Variants in DACH1 observed in about 807,000 individuals in gnomAD.
DACH1 encodes the protein dachshund family transcription factor 1.
In DACH1, 12 loss-of-function variants were observed where a neutral mutation model predicts 54.2. That is an observed-to-expected ratio of 0.22 (90% CI 0.14 to 0.36). DACH1 has a LOEUF of 0.36. Among genes scored for constraint, DACH1 ranks in the 10% least tolerant of loss-of-function variants. The probability of loss-of-function intolerance (pLI) is 1.00; values close to 1 mark genes in which losing one functional copy is unlikely to be tolerated. For synonymous variants in DACH1, 386 were observed against 366.2 expected (o/e 1.05, Z -0.62); for missense variants, 805 against 929.8 (o/e 0.87, Z 1.75).
At chr13:71,520,652 C>T (rs1881531690) in intron 6 of DACH1, among the ~76,000 whole-genome samples, 1 of 150,882 alleles carries the variant, frequency 6.6e-6, no homozygotes, top group Non-Finnish European at 1.5e-5. Flanking sequence ...CAATTATAGA[C>T]AATTACATAT....
chr13:71,563,654 T>C (rs1884731413), intron 4 of DACH1, among the ~76,000 whole-genome samples: 1 of 151,858 alleles, frequency 6.6e-6, no homozygotes, highest in African/African-American at 2.4e-5. Flanking sequence ...AGGCATATTA[T>C]ACTAAGTAAA....
intron 1 of DACH1, among the ~76,000 whole-genome samples, chr13:71,735,548 T>C (rs146045091): frequency 0.013 from 313 of 24,752 alleles, 44 homozygotes; most frequent in Non-Finnish European, 0.072. Context: ...GGGATATACG[T>C]GTATATGGGA....
chr13:71,848,629 C>A (rs768118179), intron 1 of DACH1, among the ~76,000 whole-genome samples: 2 of 151,856 alleles, frequency 1.3e-5, no homozygotes, highest in Non-Finnish European at 2.9e-5. Flanking sequence ...TGCAGAGCCT[C>A]GACCTCCAAG....
chr13:71,625,039 A>G (rs1206259910), intron 3 of DACH1, among the ~76,000 whole-genome samples: 2 of 151,940 alleles, frequency 1.3e-5, no homozygotes, highest in Non-Finnish European at 2.9e-5. Flanking sequence ...TACTATACAA[A>G]GACACCTGTC....
At position 71,866,983 on chromosome 13, in the gene DACH1, TG is replaced by T; in HGVS notation, c.-215del. The T allele has an allele frequency of 3.6e-6, 1 of 280,110 alleles. No homozygotes were observed. Among genetic ancestry groups the T allele is most frequent in the Non-Finnish European group, 6.3e-6 (1 of 158,862 alleles). The allele number at this position is 280,110 out of a possible 1,614,324, so 17.4% of individuals were successfully genotyped here. A position where few individuals can be genotyped will look rare whatever the true frequency, so the allele number is the denominator to read the frequency against. ...AGAGGGGCGAGCACGAGAGGCGCTC[TG>T]GAGAGGAACGCACAAAAGTGTCCCG... On this transcript the variant is annotated 5_prime_UTR_variant, in exon 1 of 11. Coordinates refer to ENST00000613252, the MANE Select transcript of DACH1 (RefSeq NM_080759.6).
intron 2 of DACH1, among the ~76,000 whole-genome samples, chr13:71,648,787 G>T (rs1034205494): frequency 4.6e-5 from 7 of 152,072 alleles, no homozygotes; most frequent in African/African-American, 1.7e-4. Context: ...TAAAAGGTAT[G>T]GTATAGAGGT....
intron 2 of DACH1, among the ~76,000 whole-genome samples, chr13:71,632,538 C>T (rs1279287592): frequency 6.6e-6 from 1 of 151,754 alleles, no homozygotes; most frequent in Non-Finnish European, 1.5e-5. Context: ...GCCTGAGCAC[C>T]GCTCTCCTCC....
chr13:71,687,831 A>G (rs1225821724), intron 1 of DACH1, among the ~76,000 whole-genome samples: 1 of 152,146 alleles, frequency 6.6e-6, no homozygotes, highest in Non-Finnish European at 1.5e-5. Flanking sequence ...CTGGTCTCGA[A>G]TTCCTGGGCT....
intron 6 of DACH1, among the ~76,000 whole-genome samples, chr13:71,524,857 C>T (rs998843891): frequency 6.6e-6 from 1 of 151,928 alleles, no homozygotes; most frequent in South Asian, 2.1e-4. Flanking sequence ...GGAACAGGCG[C>T]GAAGGTGAAA....
At chr13:71,690,711 T>A (rs1881435923) in intron 1 of DACH1, among the ~76,000 whole-genome samples, 1 of 152,144 alleles carries the variant, frequency 6.6e-6, no homozygotes, top group South Asian at 2.1e-4. Flanking sequence ...GCAGGAGGAT[T>A]GCTTGAGCCC....
chr13:71,497,319 TA>T (rs1879518518), intron 6 of DACH1, among the ~76,000 whole-genome samples: 2 of 152,028 alleles, frequency 1.3e-5, no homozygotes, highest in South Asian at 2.1e-4. Flanking sequence ...TCTTGTACCA[TA>T]AGCCTGTGGT....
chr13:71,590,203 T>A (rs145311900), intron 3 of DACH1, among the ~76,000 whole-genome samples: 1 of 152,072 alleles, frequency 6.6e-6, no homozygotes, highest in Non-Finnish European at 1.5e-5. Context: ...AAACCTGTTA[T>A]ATAAGCTCAC....
intron 2 of DACH1, among the ~76,000 whole-genome samples, chr13:71,664,433 A>G (rs1191204041): frequency 2.0e-5 from 3 of 152,076 alleles, no homozygotes; most frequent in Admixed American, 2.0e-4. Flanking sequence ...CTTACTAGCC[A>G]TAAATGGTTG....
At chr13:71,458,822 A>C (rs912248342) in intron 10 of DACH1, among the ~76,000 whole-genome samples, 2 of 151,930 alleles carry the variant, frequency 1.3e-5, no homozygotes, top group Non-Finnish European at 2.9e-5. Context: ...CACACTGAAC[A>C]ACATCTTGAT....
intron 3 of DACH1, among the ~76,000 whole-genome samples, chr13:71,608,231 T>C (rs1175950012): frequency 6.6e-6 from 1 of 151,984 alleles, no homozygotes; most frequent in African/African-American, 2.4e-5. Context: ...ATTTAAACCA[T>C]GTGGGTAATA....
At chr13:71,640,156 G>A (rs1877789608) in intron 2 of DACH1, among the ~76,000 whole-genome samples, 1 of 151,948 alleles carries the variant, frequency 6.6e-6, no homozygotes, top group Non-Finnish European at 1.5e-5. Flanking sequence ...AAAAAGAAAA[G>A]TACAGAAGAC....
intron 1 of DACH1, among the ~76,000 whole-genome samples, chr13:71,700,156 A>G (rs192514993): frequency 1.3e-3 from 198 of 152,294 alleles, no homozygotes; most frequent in African/African-American, 3.8e-3. Flanking sequence ...GGCATCCTCC[A>G]TATATGCTGA....
chr13:71,726,676 T>C (rs1315110604), intron 1 of DACH1, among the ~76,000 whole-genome samples: 1 of 152,032 alleles, frequency 6.6e-6, no homozygotes. Context: ...TATAAAATAG[T>C]CTTATTTATC....
intron 1 of DACH1, among the ~76,000 whole-genome samples, chr13:71,710,176 A>G (rs1447140297): frequency 2.0e-5 from 3 of 152,210 alleles, no homozygotes; most frequent in Non-Finnish European, 4.4e-5. Flanking sequence ...GGGATTGAAA[A>G]GAAAGAAAAA....
Sources: gnomAD v4.1 joint callset for allele counts (sites outside exome capture counted in the v4.1 genomes callset) on GRCh38, gnomAD v4.1.1 for gene constraint, MANE v1.5 for transcripts, NCBI Gene and HGNC (gene_info 2026-07-23, HGNC 2026-07-21) for gene names.